Variants in BLTP1 observed in about 807,000 individuals in gnomAD.
The protein encoded by BLTP1 is bridge-like lipid transfer protein family member 1, also known as fragile site-associated protein.
At chr4:122,205,039 T>C in the BLTP1 span, 1 of 153,380 alleles carries the variant, frequency 6.5e-6, no homozygotes, top group African/African-American at 2.4e-5. Flanking sequence ...TATGTTATTC[T>C]GCCATTTTAG....
the BLTP1 span, among the ~76,000 whole-genome samples, chr4:122,211,640 T>G: frequency 1.3e-5 from 2 of 152,234 alleles, no homozygotes; most frequent in Non-Finnish European, 2.9e-5. Flanking sequence ...AAATATGCAC[T>G]AATGCTTAGA....
the BLTP1 span, chr4:122,170,802 C>G: frequency 8.2e-7 from 1 of 1,218,346 alleles, no homozygotes; most frequent in Non-Finnish European, 1.1e-6. Flanking sequence ...TAACAGCTGC[C>G]AGATTTTAAA....
the BLTP1 span, chr4:122,240,029 G>A: frequency 6.2e-7 from 1 of 1,614,164 alleles, no homozygotes; most frequent in Non-Finnish European, 8.5e-7. Context: ...AAAGCATTCA[G>A]GATTCCAGAA....
the BLTP1 span, chr4:122,220,460 A>T: frequency 2.5e-6 from 4 of 1,611,018 alleles, no homozygotes; most frequent in Non-Finnish European, 1.7e-6. Context: ...TTTGTCAGTG[A>T]TAACTATCAG....
chr4:122,260,058 C>A, the BLTP1 span: 1 of 316,656 alleles, frequency 3.2e-6, no homozygotes, highest in Non-Finnish European at 4.6e-6. Flanking sequence ...ATTGTGTAAA[C>A]ATCATAGCCT....
the BLTP1 span, chr4:122,336,326 A>G: frequency 2.1e-5 from 34 of 1,610,484 alleles, no homozygotes; most frequent in South Asian, 2.2e-4. Flanking sequence ...AACTATCCCA[A>G]TTACACCAGT....
At chr4:122,170,044 C>T in the BLTP1 span, 17 of 959,996 alleles carry the variant, frequency 1.8e-5, no homozygotes, top group Non-Finnish European at 2.1e-5. Context: ...CGGTGGCTCA[C>T]GCATGTAATC....
the BLTP1 span, among the ~76,000 whole-genome samples, chr4:122,153,687 G>A: frequency 1.1e-4 from 16 of 152,266 alleles, no homozygotes; most frequent in Admixed American, 2.0e-4. Flanking sequence ...TTGCCGGCAA[G>A]GACCCAACAG....
the BLTP1 span, among the ~76,000 whole-genome samples, chr4:122,345,746 A>G: frequency 6.6e-6 from 1 of 152,052 alleles, no homozygotes; most frequent in African/African-American, 2.4e-5. Context: ...GAAAGAAAAG[A>G]TGCTTGAGGA....
At chr4:122,277,706 T>C in the BLTP1 span, 1 of 983,536 alleles carries the variant, frequency 1.0e-6, no homozygotes, top group Non-Finnish European at 1.2e-6. Context: ...AAGCAGAAAA[T>C]GCAAGTTACA....
the BLTP1 span, chr4:122,246,270 G>GTCT: frequency 1.3e-6 from 2 of 1,599,638 alleles, no homozygotes; most frequent in African/African-American, 2.7e-5. Flanking sequence ...ACAATTAAAG[G>GTCT]TCTTCAGACT....
the BLTP1 span, chr4:122,299,735 TACAC>T: frequency 3.1e-5 from 28 of 913,312 alleles, no homozygotes; most frequent in Non-Finnish European, 3.4e-5. Context: ...TACACACAAA[TACAC>T]ACATACATAT....
the BLTP1 span, chr4:122,250,481 G>T: frequency 3.7e-6 from 6 of 1,613,756 alleles, no homozygotes; most frequent in Non-Finnish European, 5.1e-6. Flanking sequence ...AACCGGCAGT[G>T]GCTATAATAC....
the BLTP1 span, chr4:122,226,415 CCTT>C: frequency 7.4e-3 from 8,533 of 1,145,468 alleles, 522 homozygotes; most frequent in African/African-American, 0.13. Flanking sequence ...AGATATATAA[CCTT>C]GAATAAAAGG....
the BLTP1 span, among the ~76,000 whole-genome samples, chr4:122,164,901 T>A: frequency 6.6e-6 from 1 of 152,200 alleles, no homozygotes; most frequent in African/African-American, 2.4e-5. Flanking sequence ...TTCATGGTGA[T>A]ATGTAAGAAT....
At chr4:122,206,046 A>G in the BLTP1 span, 1 of 983,558 alleles carries the variant, frequency 1.0e-6, no homozygotes, top group East Asian at 1.1e-4. Context: ...AAAAACTTAA[A>G]GTACCAAAGG....
the BLTP1 span, chr4:122,209,658 GTAAAA>G: frequency 7.1e-6 from 4 of 560,654 alleles, no homozygotes; most frequent in African/African-American, 2.0e-5. Context: ...AAATCAATTA[GTAAAA>G]TAAAATAAAA....
chr4:122,298,249 C>A, the BLTP1 span: 11 of 946,064 alleles, frequency 1.2e-5, no homozygotes, highest in Non-Finnish European at 1.4e-5. Flanking sequence ...TATTTGATCA[C>A]CTATTGTGTT....
chr4:122,326,242 A>T, the BLTP1 span, among the ~76,000 whole-genome samples: 1 of 151,830 alleles, frequency 6.6e-6, no homozygotes, highest in African/African-American at 2.4e-5. Flanking sequence ...ATTTTTTCAT[A>T]AACAAAGATC....
Sources: allele counts gnomAD v4.1 joint callset (sites outside exome capture counted in the v4.1 genomes callset), GRCh38; gene constraint gnomAD v4.1.1; transcripts MANE v1.5; gene names NCBI Gene and HGNC (gene_info 2026-07-23, HGNC 2026-07-21).